EXOC3L4: variants seen among roughly 807,000 people sequenced by gnomAD.
The protein encoded by EXOC3L4 is exocyst complex component 3-like protein 4.
EXOC3L4 carries 62 observed loss-of-function variants against 69.7 expected under a neutral mutation model. The ratio of observed to expected loss-of-function variants is 0.89; its 90% confidence interval spans 0.72 to 1.10. The LOEUF is 1.10. Ranked by LOEUF, EXOC3L4 falls within the 50% of genes least tolerant of loss-of-function variation. The pLI is 0.00. For missense variants in EXOC3L4, 1,087 were observed against 1,034.8 expected, an observed-to-expected ratio of 1.05 and a Z score of -0.69; for synonymous variants, 502 against 464.2, an observed-to-expected ratio of 1.08 and a Z score of -1.05.
chr14:103,104,037 C>T lies in EXOC3L4; in HGVS notation c.1146C>T (p.Tyr382=). 6.3e-7 allele frequency: 1 copy of T among 1,574,954 alleles called. No homozygotes were observed. Among genetic ancestry groups the T allele is most frequent in the East Asian group, 2.3e-5 (1 of 43,004 alleles). Residue 382 remains tyrosine, a synonymous_variant, in exon 4 of 12, where the codon TAC becomes TAT. Transcript: ENST00000688303. Reference sequence around the variant, plus strand: ...TGTGGGCCCGACTGGAGAGCGACTACACCAGCTTCCTGGAGGTCAGGCCGG... The same window carrying T: ...TGTGGGCCCGACTGGAGAGCGACTATACCAGCTTCCTGGAGGTCAGGCCGG... ...PDVWARLESD[Y]TSFLEAKIAS...
At chr14:103,107,586 TG>T in intron 9 of EXOC3L4, 43 bp downstream of exon 9, 1 of 1,610,708 alleles carries the variant, frequency 6.2e-7, no homozygotes, top group Non-Finnish European at 8.5e-7. Context: ...TGCCCAGGAT[TG>T]GGGCTGTTGA....
At chr14:103,105,412 G>A (rs1363136149) in intron 7 of EXOC3L4, among the ~76,000 whole-genome samples, 2 of 151,796 alleles carry the variant, frequency 1.3e-5, no homozygotes, top group South Asian at 2.1e-4. Context: ...ATGCATGTGC[G>A]TGTAGGGGTG....
At chr14:103,095,560 T>A (rs1889855105) in intron 1 of EXOC3L4, among the ~76,000 whole-genome samples, 1 of 152,162 alleles carries the variant, frequency 6.6e-6, no homozygotes, top group African/African-American at 2.4e-5. Context: ...AGGTGGGTAC[T>A]TCTGAGTGAT....
In EXOC3L4 at chr14:103,100,214, G is replaced by A; in HGVS notation, c.-6G>A. The A allele has an allele frequency of 6.4e-7, 1 of 1,566,072 alleles. No homozygotes were observed. The highest frequency in any genetic ancestry group is 8.7e-7 in the Non-Finnish European group (1 of 1,151,026). On this transcript the variant is annotated 5_prime_UTR_variant, in exon 2 of 12. Transcript: ENST00000688303. ...CCTTCTTGCCCCCAGCTCTCCTGCT[G>A]CCAAGATGCCATCACCACAGACAGA...
rs1890404870 is a variant in EXOC3L4 at position 103,104,313 on chromosome 14, G to A, written c.1208G>A (p.Ser403Asn). The change falls in exon 5 of 12, where the codon AGT becomes AAT. Residue 403 changes from serine to asparagine, a missense_variant. By Grantham distance (46) the Ser-to-Asn change is conservative (BLOSUM62 1). Coordinates refer to ENST00000688303, the MANE Select transcript of EXOC3L4 (RefSeq NM_001077594.2). Reference sequence around the variant, plus strand: ...GACAGCATCTTGCAGCTGGAGCAGAGTCACTGGGCGGCCGCCGAGGTCCCC... The same window carrying A: ...GACAGCATCTTGCAGCTGGAGCAGAATCACTGGGCGGCCGCCGAGGTCCCC... ...CFDSILQLEQ[S>N]HWAAAEVPEV... 1.3e-6 allele frequency: 2 copies of A among 1,595,186 alleles called. No individual in the cohort carries two copies. The highest frequency in any genetic ancestry group is 1.4e-5 in the African/African-American group (1 of 74,028).
In EXOC3L4 at chr14:103,107,674, T is replaced by A. The variant is rs1332827888; in HGVS notation, c.1745T>A (p.Leu582Gln). The A allele has an allele frequency of 1.9e-6, 3 of 1,562,748 alleles. No individual in the cohort carries two copies. Among genetic ancestry groups the A allele is most frequent in the East Asian group, 4.8e-5 (2 of 41,750 alleles). ...CACCGGTTCGTGGTCCGCGAGTACC[T>A]GGCGCGGGCGCTGAGGCCACGGGAG... ...EVHRFVVREY[L>Q]ARALRPRERF... The change falls in exon 10 of 12, where the codon CTG becomes CAG. Residue 582 changes from leucine (L) to glutamine (Q), a missense_variant. Leu to Gln is a moderately radical substitution (Grantham distance 113, BLOSUM62 -2). Transcript: ENST00000688303.
chr14:103,105,325 G>A (rs1444522065), intron 7 of EXOC3L4, among the ~76,000 whole-genome samples: 3 of 151,132 alleles, frequency 2.0e-5, no homozygotes, highest in Non-Finnish European at 3.0e-5. Flanking sequence ...GAGAGCTGAG[G>A]CTGTGTGTGT....
At position 103,107,670 on chromosome 14, in the gene EXOC3L4, T is replaced by C. The variant is rs767915415; in HGVS notation, c.1741T>C (p.Tyr581His). The C allele has an allele frequency of 3.9e-5, 61 of 1,566,308 alleles. No individual in the cohort carries two copies. The highest frequency in any genetic ancestry group is 5.0e-5 in the Non-Finnish European group (58 of 1,155,028). Residue 581 changes from tyrosine to histidine, a missense_variant, in exon 10 of 12, where the codon TAC becomes CAC. Tyr to His is a moderately conservative substitution (Grantham distance 83). Coordinates refer to ENST00000688303, the MANE Select transcript of EXOC3L4 (RefSeq NM_001077594.2). Reference sequence around the variant, plus strand: ...GGTGCACCGGTTCGTGGTCCGCGAGTACCTGGCGCGGGCGCTGAGGCCACG... The same window carrying C: ...GGTGCACCGGTTCGTGGTCCGCGAGCACCTGGCGCGGGCGCTGAGGCCACG... ...QEVHRFVVRE[Y>H]LARALRPRER... is the part of the protein sequence containing the mutation.
Position 103,100,196 on chromosome 14 carries a change from GC to G in EXOC3L4, c.-16-3del. ...TCTGCTCCTATGGCCACTCCTTCTT[GC>G]CCCCAGCTCTCCTGCTGCCAAGATG... On this transcript the variant is annotated splice_polypyrimidine_tract_variant and splice_region_variant and intron_variant, in intron 1 of 11. Coordinates refer to ENST00000688303, the MANE Select transcript of EXOC3L4 (RefSeq NM_001077594.2). 6.5e-7 allele frequency: 1 copy of G among 1,546,150 alleles called. No homozygotes were observed. The highest frequency in any genetic ancestry group is 8.8e-7 in the Non-Finnish European group (1 of 1,141,458).
chr14:103,104,157 C>G (rs1890393319), intron 4 of EXOC3L4, 105 bp downstream of exon 4: 1 of 1,446,628 alleles, frequency 6.9e-7, no homozygotes, highest in Non-Finnish European at 9.1e-7. Flanking sequence ...CTCTGGTTCA[C>G]CCTGTGGCCC....
intron 7 of EXOC3L4, 111 bp downstream of exon 7, chr14:103,105,183 A>AGT (rs150524993): frequency 4.8e-5 from 50 of 1,039,360 alleles, no homozygotes; most frequent in Non-Finnish European, 5.7e-5. Flanking sequence ...AGAGGTGAGG[A>AGT]GTGTGTGTGT....
At position 103,097,954 on chromosome 14, in the gene EXOC3L4, C is replaced by T. The variant is rs1187411940; in HGVS notation, c.-16-2250C>T. Among the ~76,000 whole-genome samples, 3 of 151,826 alleles carry T rather than the reference C, an allele frequency of 2.0e-5. No homozygotes were observed. Among genetic ancestry groups the T allele is most frequent in the Admixed American group, 2.0e-4 (3 of 15,274 alleles). ...AGGATGGATGCCCGGCTGTGGGGCT[C>T]GGGCAGGAGGGAACCATGGAAGGGC... On this transcript the variant is annotated intron_variant, in intron 1 of 11. Transcript: ENST00000688303. The surrounding 1 kb of genome is among the most constrained non-coding windows in gnomAD (Gnocchi z 4.9).
intron 2 of EXOC3L4, among the ~76,000 whole-genome samples, chr14:103,101,178 T>A (rs1286152526): frequency 1.3e-5 from 2 of 152,262 alleles, no homozygotes; most frequent in East Asian, 3.9e-4. Context: ...GTGCTGGGAT[T>A]ACAGGCGTGA....
chr14:103,099,445 G>A (rs1199509107), intron 1 of EXOC3L4, among the ~76,000 whole-genome samples: 1 of 152,224 alleles, frequency 6.6e-6, no homozygotes. Context: ...CTATGGTGGA[G>A]AGGGAGAGGA....
At chr14:103,096,277 C>T (rs1025433826) in intron 1 of EXOC3L4, among the ~76,000 whole-genome samples, 1 of 152,114 alleles carries the variant, frequency 6.6e-6, no homozygotes, top group African/African-American at 2.4e-5. Flanking sequence ...CTGCTTGAGT[C>T]CAGGAGTTTG....
chr14:103,098,401 C>T (rs1197505028), intron 1 of EXOC3L4, among the ~76,000 whole-genome samples: 1 of 151,678 alleles, frequency 6.6e-6, no homozygotes, highest in Non-Finnish European at 1.5e-5. Flanking sequence ...AGCCTGAGTG[C>T]GCGGCCAGGG....
At chr14:103,109,861 C>A (rs889819518) in intron 11 of EXOC3L4, among the ~76,000 whole-genome samples, 170 bp from the exon 12 acceptor site, 4 of 151,480 alleles carry the variant, frequency 2.6e-5, no homozygotes, top group Non-Finnish European at 5.9e-5. Context: ...CCACGCCCTG[C>A]CCCCTCCCCC....
At chr14:103,100,902 A>ATTT (rs34995113) in intron 2 of EXOC3L4, among the ~76,000 whole-genome samples, 21,517 of 131,284 alleles carry the variant, frequency 0.16, 2,161 homozygotes, top group East Asian at 0.39. Context: ...CACCCGGCTA[A>ATTT]TTTTTTTTTT....
chr14:103,108,503 C>T lies in EXOC3L4; in HGVS notation c.1962C>T (p.Ser654=), dbSNP rs767118564. The change falls in exon 11 of 12, where the codon AGC becomes AGT. Residue 654 remains serine (S), a synonymous_variant. Transcript: ENST00000688303. ...IQRHLETLIR[S]YPDIRRDHIL... ...GGCACCTGGAGACTCTTATCCGGAG[C>T]TACCCCGACATCAGGTGTGTACCCC... 2 of 1,613,708 alleles carry T rather than the reference C, an allele frequency of 1.2e-6. No individual in the cohort carries two copies. Among genetic ancestry groups the T allele is most frequent in the Non-Finnish European group, 1.7e-6 (2 of 1,179,728 alleles).
Sources: gnomAD v4.1 joint callset for allele counts (sites outside exome capture counted in the v4.1 genomes callset) on GRCh38, gnomAD v4.1.1 for gene constraint, Gnocchi (gnomAD v3.1) non-coding constraint, MANE v1.5 for transcripts, NCBI Gene and HGNC (gene_info 2026-07-23, HGNC 2026-07-21) for gene names.